The following CDK6 variants were observed in gnomAD, a reference collection of about 807,000 sequenced individuals.
The protein encoded by CDK6 is cyclin dependent kinase 6, also known as cyclin-dependent kinase 6.
Under a neutral mutation model 37.1 loss-of-function variants are expected in CDK6, and 6 were observed. That is an observed-to-expected ratio of 0.16 (90% confidence interval 0.09 to 0.32). CDK6 has a LOEUF of 0.32. Among genes scored for constraint, CDK6 ranks in the 10% least tolerant of loss-of-function variants. CDK6 has a pLI of 1.00. For missense variants in CDK6, 224 were observed against 418.9 expected, an observed-to-expected ratio of 0.53 and a Z score of 4.06; for synonymous variants, 160 against 161.3, an observed-to-expected ratio of 0.99 and a Z score of 0.06.
intron 4 of CDK6, among the ~76,000 whole-genome samples, chr7:92,676,710 T>C (rs193300806): frequency 2.6e-5 from 4 of 152,250 alleles, no homozygotes; most frequent in African/African-American, 9.6e-5. Context: ...AATACAAAAC[T>C]TTCTAATACA....
At chr7:92,754,494 G>C (rs952871893) in intron 3 of CDK6, among the ~76,000 whole-genome samples, 1 of 152,122 alleles carries the variant, frequency 6.6e-6, no homozygotes, top group African/African-American at 2.4e-5. Context: ...TTAATGATTA[G>C]TTCAATTGAG....
intron 2 of CDK6, among the ~76,000 whole-genome samples, chr7:92,799,137 C>T (rs577684141): frequency 2.6e-4 from 40 of 152,252 alleles, no homozygotes; most frequent in Non-Finnish European, 1.8e-4. Context: ...CATTCCATGT[C>T]CCCCAATTTA....
At chr7:92,764,135 TTG>T (rs1232668946) in intron 3 of CDK6, among the ~76,000 whole-genome samples, 3 of 147,326 alleles carry the variant, frequency 2.0e-5, no homozygotes, top group African/African-American at 7.9e-5. Flanking sequence ...CAAGGTTTAT[TTG>T]TCTTTTTTTT....
At chr7:92,748,527 C>G (rs529454775) in intron 3 of CDK6, among the ~76,000 whole-genome samples, 1 of 152,296 alleles carries the variant, frequency 6.6e-6, no homozygotes, top group South Asian at 2.1e-4. Context: ...GAACTGTCTA[C>G]AAAATACTTT....
chr7:92,698,621 T>C (rs1216996739), intron 4 of CDK6, among the ~76,000 whole-genome samples: 1 of 152,218 alleles, frequency 6.6e-6, no homozygotes, highest in African/African-American at 2.4e-5. Flanking sequence ...AAAACTTGAT[T>C]ATGTATTGTT....
At chr7:92,714,796 T>C (rs77228726) in intron 4 of CDK6, among the ~76,000 whole-genome samples, 40 of 152,334 alleles carry the variant, frequency 2.6e-4, no homozygotes, top group African/African-American at 8.7e-4. Context: ...TACAGTTTTT[T>C]TTTTTCTTTT....
chr7:92,752,681 T>G (rs1799215047), intron 3 of CDK6, among the ~76,000 whole-genome samples: 1 of 152,192 alleles, frequency 6.6e-6, no homozygotes, highest in East Asian at 1.9e-4. Context: ...TTTATGGAAT[T>G]ACATACAGAC....
intron 3 of CDK6, among the ~76,000 whole-genome samples, chr7:92,751,191 A>T (rs2115679119): frequency 6.6e-6 from 1 of 152,300 alleles, no homozygotes; most frequent in South Asian, 2.1e-4. Context: ...GTCTCTCATA[A>T]TCTTCCTTTG....
In CDK6 at chr7:92,725,032, A is replaced by G; in HGVS notation, c.537+594T>C. Reference sequence around the variant, plus strand: ...GCTGAATGGCAAAAAGAAACAGGGTATCATAACTGTTATTTTTTGCCAAAA... The same window carrying G: ...GCTGAATGGCAAAAAGAAACAGGGTGTCATAACTGTTATTTTTTGCCAAAA... On this transcript the variant is annotated intron_variant, in intron 4 of 7. Transcript: ENST00000424848. 3 of 985,340 alleles carry G rather than the reference A, an allele frequency of 3.0e-6. No homozygotes were observed. The South Asian group carries it at 1.4e-4, about 46-fold the overall frequency. The allele number at this position is 985,340 out of a possible 1,614,324, so 61.0% of individuals were successfully genotyped here.
At chr7:92,716,747 T>C (rs1382462748) in intron 4 of CDK6, among the ~76,000 whole-genome samples, 1 of 152,158 alleles carries the variant, frequency 6.6e-6, no homozygotes, top group Non-Finnish European at 1.5e-5. Context: ...CCAAGGACCA[T>C]GTCTCATACT....
intron 2 of CDK6, among the ~76,000 whole-genome samples, chr7:92,805,352 T>C (rs562172217): frequency 2.3e-4 from 35 of 152,354 alleles, no homozygotes; most frequent in South Asian, 6.2e-4. Context: ...CTAGCCATCA[T>C]AAAGTCATAC....
At chr7:92,796,551 T>C (rs530672464) in intron 2 of CDK6, among the ~76,000 whole-genome samples, 15 of 152,270 alleles carry the variant, frequency 9.9e-5, no homozygotes, top group African/African-American at 3.6e-4. Flanking sequence ...ATTGTAAAGA[T>C]ATACAGTCTA....
intron 4 of CDK6, among the ~76,000 whole-genome samples, chr7:92,709,709 T>G (rs1408176655): frequency 1.3e-5 from 2 of 152,214 alleles, no homozygotes; most frequent in Non-Finnish European, 2.9e-5. Context: ...AAGTTCTTAG[T>G]TTAACATAAT....
chr7:92,611,973 G>C lies in CDK6; in HGVS notation c.*3167C>G, dbSNP rs942479379. The C allele has an allele frequency of 3.0e-5, 7 of 232,876 alleles. No homozygotes were observed. The highest frequency in any genetic ancestry group is 5.1e-5 in the Non-Finnish European group (6 of 117,892). 14.4% of individuals were successfully genotyped at this position (232,876 alleles called of 1,614,324 possible). The stretch of plus-strand genomic sequence containing the variant: ...CCTTGAGTTCCCATCCACTTCAAAG[G>C]AGGGACAAAGTGGGAGGCTCCAACC... On this transcript the variant is annotated 3_prime_UTR_variant, in exon 8 of 8. Transcript: ENST00000424848.
chr7:92,615,811 A>C (rs1795663122), intron 7 of CDK6, among the ~76,000 whole-genome samples: 1 of 152,192 alleles, frequency 6.6e-6, no homozygotes, highest in Non-Finnish European at 1.5e-5. Flanking sequence ...CCTGCGCTTA[A>C]GAAGCTCCTG....
intron 3 of CDK6, among the ~76,000 whole-genome samples, chr7:92,727,929 G>A (rs1798551891): frequency 1.3e-5 from 2 of 152,164 alleles, no homozygotes; most frequent in South Asian, 4.2e-4. Context: ...TGTAAGCACT[G>A]AATTTTAAAA....
At position 92,661,858 on chromosome 7, in the gene CDK6, C is replaced by T. The variant is rs185675538; in HGVS notation, c.647+9568G>A. Among the ~76,000 whole-genome samples, 7 of 152,178 alleles carry T rather than the reference C, an allele frequency of 4.6e-5. No individual in the cohort carries two copies. The South Asian group carries it at 1.2e-3, about 27-fold the overall frequency. On this transcript the variant is annotated intron_variant, in intron 5 of 7. Coordinates refer to ENST00000424848, the MANE Select transcript of CDK6 (RefSeq NM_001145306.2). ...TTGTTCAAGGGTCAACTGTACAGAG[C>T]GTGGCTCACAGTAAGTGTGCAATAA...
intron 2 of CDK6, among the ~76,000 whole-genome samples, chr7:92,827,119 A>G (rs1331624222): frequency 6.6e-6 from 1 of 152,206 alleles, no homozygotes; most frequent in Non-Finnish European, 1.5e-5. Context: ...AAAACTGTTC[A>G]CTAACAGTGA....
intron 5 of CDK6, among the ~76,000 whole-genome samples, chr7:92,647,217 G>A (rs1462037164): frequency 2.6e-5 from 4 of 152,182 alleles, no homozygotes; most frequent in African/African-American, 7.2e-5. Context: ...CTGGTTTATA[G>A]TTTCATGAGT....
Sources: gnomAD v4.1 joint callset for allele counts (sites outside exome capture counted in the v4.1 genomes callset) on GRCh38, gnomAD v4.1.1 for gene constraint, MANE v1.5 for transcripts, NCBI Gene and HGNC (gene_info 2026-07-23, HGNC 2026-07-21) for gene names.